COL5A1: variants seen among roughly 807,000 people sequenced by gnomAD.
COL5A1 encodes collagen type V alpha 1 chain.
Under a neutral mutation model 263.7 loss-of-function variants are expected in COL5A1, and 16 were observed. That is an observed-to-expected ratio of 0.06 (90% CI 0.04 to 0.09). The LOEUF is 0.09. Ranked by LOEUF, COL5A1 falls within the 10% of genes least tolerant of loss-of-function variation. The pLI, the probability that COL5A1 is intolerant of heterozygous loss-of-function variation, is 1.00. For missense variants in COL5A1, 2,036 were observed against 2,540.5 expected (o/e 0.80, Z 4.27); for synonymous variants, 1,012 against 1,004.5 (o/e 1.01, Z -0.14).
intron 13 of COL5A1, 138 bp downstream of exon 13, chr9:134,751,020 G>A (rs1285887090): frequency 5.1e-6 from 4 of 776,956 alleles, no homozygotes; most frequent in Middle Eastern, 6.9e-4. Context: ...GCTTGCTGGG[G>A]TCAGGAGCTG....
chr9:134,645,044 C>G (rs1175865691), intron 1 of COL5A1, among the ~76,000 whole-genome samples: 1 of 152,170 alleles, frequency 6.6e-6, no homozygotes, highest in Non-Finnish European at 1.5e-5. Flanking sequence ...TCCCCAAGCC[C>G]TCTCCCTGCT....
At chr9:134,777,582 C>A (rs1017796220) in intron 27 of COL5A1, among the ~76,000 whole-genome samples, 3 of 152,032 alleles carry the variant, frequency 2.0e-5, no homozygotes, top group East Asian at 3.9e-4. Context: ...CAGGAGGCTG[C>A]GGCTGGTTCT....
chr9:134,839,066 C>CT (rs1402628551), intron 65 of COL5A1, among the ~76,000 whole-genome samples: 2 of 152,260 alleles, frequency 1.3e-5, no homozygotes. Context: ...GGCAAAAGCC[C>CT]TGCCTCAGCC....
Position 134,738,883 on chromosome 9 carries a change from C to T in COL5A1, c.1494+75C>T, listed in dbSNP as rs535811600. The T allele has an allele frequency of 5.0e-5, 62 of 1,251,770 alleles. No individual in the cohort carries two copies. In the African/African-American group the frequency reaches 6.8e-4, roughly 14 times the overall value. The allele number at this position is 1,251,770 out of a possible 1,614,324, so 77.5% of individuals were successfully genotyped here. On this transcript the variant is annotated intron_variant, in intron 11 of 65. Coordinates refer to ENST00000371817, the MANE Select transcript of COL5A1 (RefSeq NM_000093.5). ...CACGCCTCCTCTCCACACTGTGACCCGAGCTGTCCCTGCCTGTGGAGGTGA... is the reference window on the plus strand; with the variant it reads ...CACGCCTCCTCTCCACACTGTGACCTGAGCTGTCCCTGCCTGTGGAGGTGA...
intron 20 of COL5A1, among the ~76,000 whole-genome samples, chr9:134,764,385 G>A (rs1419759147): frequency 1.4e-5 from 2 of 142,752 alleles, no homozygotes; most frequent in Admixed American, 6.9e-5. Context: ...GAGGGGTCCC[G>A]GGGCAGCACA....
chr9:134,685,083 C>CCATCCATCCATCCAT (rs1832978240), intron 1 of COL5A1, among the ~76,000 whole-genome samples: 9 of 26,790 alleles, frequency 3.4e-4, no homozygotes, highest in Non-Finnish European at 4.4e-4. Flanking sequence ...CATCCATCCA[C>CCATCCATCCATCCAT]CCACCATCCA....
chr9:134,655,728 A>G (rs940978247), intron 1 of COL5A1, among the ~76,000 whole-genome samples: 5 of 152,138 alleles, frequency 3.3e-5, no homozygotes, highest in Middle Eastern at 3.2e-3. Flanking sequence ...CACAGGAGAC[A>G]GGAATGTGTG....
chr9:134,837,206 C>T (rs928203194), intron 65 of COL5A1, among the ~76,000 whole-genome samples: 2 of 152,060 alleles, frequency 1.3e-5, no homozygotes, highest in African/African-American at 4.8e-5. Context: ...CCTGTAAAGG[C>T]GAGGCAGGAC....
chr9:134,814,061 G>T, intron 49 of COL5A1, 25 bp downstream of exon 49: 1 of 1,550,082 alleles, frequency 6.5e-7, no homozygotes. Flanking sequence ...GCTGCGGGAG[G>T]GGTGGGATAT....
At position 134,754,531 on chromosome 9, in the gene COL5A1, C is replaced by T. The variant is rs569076167; in HGVS notation, c.1827+205C>T. Reference sequence around the variant, plus strand: ...CTCTGTGTCCTGGGCGCAGACACAGCGGACCAGGCCTCTTCCCTGGGCACA... The same window carrying T: ...CTCTGTGTCCTGGGCGCAGACACAGTGGACCAGGCCTCTTCCCTGGGCACA... On this transcript the variant is annotated intron_variant, in intron 16 of 65. Coordinates refer to ENST00000371817, the MANE Select transcript of COL5A1 (RefSeq NM_000093.5). The surrounding 1 kb of genome is among the most constrained non-coding windows in gnomAD (Gnocchi z 4.3). 5.9e-5 allele frequency among the ~76,000 whole-genome samples: 9 copies of T among 152,350 alleles called. No individual in the cohort carries two copies. The South Asian group carries it at 1.4e-3, about 25-fold the overall frequency.
intron 4 of COL5A1, among the ~76,000 whole-genome samples, chr9:134,722,003 G>A (rs1473825341): frequency 6.6e-6 from 1 of 152,246 alleles, no homozygotes; most frequent in Non-Finnish European, 1.5e-5. Flanking sequence ...CTGAGCCTTA[G>A]CACCTGCGCC....
intron 63 of COL5A1, 70 bp from the exon 64 acceptor site, chr9:134,829,906 C>T: frequency 3.3e-6 from 5 of 1,524,440 alleles, no homozygotes; most frequent in Non-Finnish European, 4.5e-6. Flanking sequence ...TGGGGCCTTG[C>T]TCTGGAGGCC....
chr9:134,783,085 G>A (rs1325314160), intron 29 of COL5A1, among the ~76,000 whole-genome samples: 1 of 152,278 alleles, frequency 6.6e-6, no homozygotes, highest in African/African-American at 2.4e-5. Context: ...GAAGAGAAAA[G>A]AGAGCAGCTA....
At chr9:134,750,281 T>C (rs1835726188) in intron 11 of COL5A1, among the ~76,000 whole-genome samples, 1 of 152,162 alleles carries the variant, frequency 6.6e-6, no homozygotes. Flanking sequence ...GCTGGGTCTC[T>C]GGATTTCTCT....
chr9:134,807,232 A>G (rs1368698979), intron 42 of COL5A1, among the ~76,000 whole-genome samples: 1 of 152,238 alleles, frequency 6.6e-6, no homozygotes, highest in Non-Finnish European at 1.5e-5. Context: ...GGGAATTGGC[A>G]GATAATCGGT....
intron 1 of COL5A1, among the ~76,000 whole-genome samples, chr9:134,665,382 A>G (rs190971409): frequency 1.2e-4 from 18 of 152,344 alleles, no homozygotes; most frequent in African/African-American, 3.4e-4. Flanking sequence ...AAGAAGATGA[A>G]GTTTTCATTT....
At chr9:134,671,248 G>A (rs1246361380) in intron 1 of COL5A1, among the ~76,000 whole-genome samples, 3 of 152,242 alleles carry the variant, frequency 2.0e-5, no homozygotes, top group African/African-American at 7.2e-5. Context: ...GGACCTTGAA[G>A]CTTGGCTCCA....
intron 25 of COL5A1, among the ~76,000 whole-genome samples, chr9:134,770,782 A>AAC (rs138938456): frequency 0.027 from 4,046 of 152,354 alleles, 53 homozygotes; most frequent in East Asian, 0.052. Context: ...AATATTGGGA[A>AAC]ACACACACAA....
intron 29 of COL5A1, 42 bp from the exon 30 acceptor site, chr9:134,784,947 T>TGTGTGTGGGGGG (rs201756651): frequency 1.8e-5 from 22 of 1,249,430 alleles, no homozygotes; most frequent in Non-Finnish European, 2.2e-5. Context: ...ATAGTGTGTG[T>TGTGTGTGGGGGG]GCGGGGGGTG....
Sources: allele counts gnomAD v4.1 joint callset (sites outside exome capture counted in the v4.1 genomes callset), GRCh38; gene constraint gnomAD v4.1.1; non-coding constraint Gnocchi (gnomAD v3.1); transcripts MANE v1.5; gene names NCBI Gene and HGNC (gene_info 2026-07-23, HGNC 2026-07-21).